CEP128: variants seen among roughly 807,000 people sequenced by gnomAD.
CEP128 encodes the protein centrosomal protein 128.
Under a neutral mutation model 156.7 loss-of-function variants are expected in CEP128, and 132 were observed. The ratio of observed to expected loss-of-function variants is 0.84; its 90% confidence interval spans 0.73 to 0.97. The LOEUF is 0.97. CEP128 is among the 50% of genes least tolerant of loss of function. The pLI is 0.00. For synonymous variants in CEP128, 469 were observed against 448.9 expected (o/e 1.04, Z -0.57); for missense variants, 1,252 against 1,281.9 (o/e 0.98, Z 0.36).
intron 19 of CEP128, among the ~76,000 whole-genome samples, chr14:80,650,852 T>G (rs1894872330): frequency 6.6e-6 from 1 of 152,194 alleles, no homozygotes; most frequent in South Asian, 2.1e-4. Flanking sequence ...TCATAGATGT[T>G]CATCAGGGAT....
chr14:80,765,837 A>G (rs1025745480), intron 16 of CEP128, among the ~76,000 whole-genome samples: 1 of 152,228 alleles, frequency 6.6e-6, no homozygotes, highest in Non-Finnish European at 1.5e-5. Context: ...CCTATTAAAT[A>G]CAACCCCATA....
At chr14:80,702,154 A>G (rs1321510529) in intron 19 of CEP128, among the ~76,000 whole-genome samples, 3 of 152,172 alleles carry the variant, frequency 2.0e-5, no homozygotes, top group African/African-American at 7.2e-5. Flanking sequence ...GTCTCCTGCC[A>G]ATAGAATGTA....
At chr14:80,722,903 T>C (rs966626716) in intron 19 of CEP128, among the ~76,000 whole-genome samples, 18 of 147,668 alleles carry the variant, frequency 1.2e-4, no homozygotes, top group Admixed American at 2.1e-4. Context: ...CTCGGCTCAC[T>C]GCAAGCTCCG....
Position 80,778,012 on chromosome 14 carries a change from A to G in CEP128, c.2246T>C (p.Ile749Thr). The G allele has an allele frequency of 6.2e-7, 1 of 1,613,588 alleles. No homozygotes were observed. Among genetic ancestry groups the G allele is most frequent in the Non-Finnish European group, 8.5e-7 (1 of 1,179,892 alleles). Residue 749 changes from isoleucine to threonine, a missense_variant, in exon 16 of 25, where the codon ATT becomes ACT. Transcript: ENST00000555265. ...ESLEEKNMAK[I>T]HRGQLEKLKS... ...CAACTTCTCCAGCTGACCACGATGAATTTTAGCCATATTCTTCTCTTCTAA... is the reference window on the plus strand; with the variant it reads ...CAACTTCTCCAGCTGACCACGATGAGTTTTAGCCATATTCTTCTCTTCTAA...
chr14:80,916,382 C>A lies in CEP128; in HGVS notation c.147+19G>T, dbSNP rs746980596. On this transcript the variant is annotated intron_variant, in intron 3 of 24. Transcript: ENST00000555265. Reference sequence around the variant, plus strand: ...CAAACTATTTAAATTCTATTAAATGCAACCATTGTTAAACTAACCTGTAAA... The same window carrying A: ...CAAACTATTTAAATTCTATTAAATGAAACCATTGTTAAACTAACCTGTAAA... The A allele has an allele frequency of 6.3e-7, 1 of 1,597,442 alleles. No homozygotes were observed. The highest frequency in any genetic ancestry group is 8.6e-7 in the Non-Finnish European group (1 of 1,168,830).
At chr14:80,769,828 TG>T (rs980703377) in intron 16 of CEP128, among the ~76,000 whole-genome samples, 4 of 152,090 alleles carry the variant, frequency 2.6e-5, no homozygotes, top group African/African-American at 9.7e-5. Flanking sequence ...TAAATGCTGA[TG>T]AAAAAAAAAC....
downstream of CEP128, among the ~76,000 whole-genome samples, chr14:80,488,836 G>T (rs1202919980): frequency 2.1e-4 from 32 of 152,118 alleles, no homozygotes; most frequent in Admixed American, 7.9e-4. Flanking sequence ...CCTTTGTAGG[G>T]ACATGGATGA....
At chr14:80,530,376 T>G (rs1889169827) in intron 22 of CEP128, among the ~76,000 whole-genome samples, 1 of 152,186 alleles carries the variant, frequency 6.6e-6, no homozygotes, top group African/African-American at 2.4e-5. Context: ...AATGTGAAAT[T>G]TACGTGGATT....
At chr14:80,658,819 A>T (rs1446421187) in intron 19 of CEP128, among the ~76,000 whole-genome samples, 2 of 152,192 alleles carry the variant, frequency 1.3e-5, no homozygotes, top group Non-Finnish European at 2.9e-5. Context: ...AACACCATGG[A>T]CAAAATCACA....
At chr14:80,849,224 T>C (rs1886766492) in intron 9 of CEP128, among the ~76,000 whole-genome samples, 1 of 152,194 alleles carries the variant, frequency 6.6e-6, no homozygotes, top group Admixed American at 6.5e-5. Context: ...AAGATGGTTA[T>C]CTATCTGTTT....
At chr14:80,673,504 G>A (rs1242685992) in intron 19 of CEP128, among the ~76,000 whole-genome samples, 2 of 146,510 alleles carry the variant, frequency 1.4e-5, no homozygotes, top group African/African-American at 5.0e-5. Context: ...AAATTAGCCG[G>A]GCGTAGTGGC....
chr14:80,745,064 G>A (rs955579676), intron 18 of CEP128, among the ~76,000 whole-genome samples: 6 of 152,092 alleles, frequency 3.9e-5, no homozygotes, highest in African/African-American at 1.4e-4. Context: ...ATCTCATGTC[G>A]AATTATAATT....
At chr14:80,779,956 A>G (rs1354244260) in intron 15 of CEP128, among the ~76,000 whole-genome samples, 1 of 152,216 alleles carries the variant, frequency 6.6e-6, no homozygotes, top group African/African-American at 2.4e-5. Context: ...AAAAACACAG[A>G]ACTCCAATCC....
At chr14:80,657,946 C>T (rs915384715) in intron 19 of CEP128, among the ~76,000 whole-genome samples, 1 of 152,058 alleles carries the variant, frequency 6.6e-6, no homozygotes, top group Non-Finnish European at 1.5e-5. Flanking sequence ...AGAACTCTTA[C>T]GTAAACCAAG....
At chr14:80,641,245 C>T (rs1305055019) in intron 19 of CEP128, among the ~76,000 whole-genome samples, 1 of 152,188 alleles carries the variant, frequency 6.6e-6, no homozygotes, top group Admixed American at 6.5e-5. Flanking sequence ...TAGGTGGATG[C>T]CTCCTCATTC....
At chr14:80,761,205 T>A (rs1014209523) in intron 17 of CEP128, among the ~76,000 whole-genome samples, 1 of 151,412 alleles carries the variant, frequency 6.6e-6, no homozygotes, top group Non-Finnish European at 1.5e-5. Flanking sequence ...ATTTTTCTTT[T>A]TTTTTTTTTT....
intron 13 of CEP128, among the ~76,000 whole-genome samples, chr14:80,796,471 A>C (rs1029465292): frequency 6.6e-6 from 1 of 151,872 alleles, no homozygotes; most frequent in African/African-American, 2.4e-5. Flanking sequence ...AAAAAAAAAA[A>C]ATTTCCTTCA....
chr14:80,887,226 GA>G (rs1229377242), intron 8 of CEP128, among the ~76,000 whole-genome samples: 2 of 152,144 alleles, frequency 1.3e-5, no homozygotes, highest in African/African-American at 4.8e-5. Context: ...CAATGAAACA[GA>G]AAATTAACAA....
chr14:80,678,059 T>TATAC (rs1555390218), intron 19 of CEP128, among the ~76,000 whole-genome samples: 1 of 41,940 alleles, frequency 2.4e-5, no homozygotes, highest in African/African-American at 4.0e-5. Context: ...AATATATATA[T>TATAC]ATATGTATAT....
Sources: allele counts gnomAD v4.1 joint callset (sites outside exome capture counted in the v4.1 genomes callset), GRCh38; gene constraint gnomAD v4.1.1; transcripts MANE v1.5; gene names NCBI Gene and HGNC (gene_info 2026-07-23, HGNC 2026-07-21).